Variants in RGPD2 observed in about 807,000 individuals in gnomAD.
RGPD2 encodes the protein RANBP2-like and GRIP domain-containing protein 2.
In RGPD2, 2 loss-of-function variants were observed where a neutral mutation model predicts 36.0. The observed-to-expected ratio is 0.06, with a 90% CI of 0.02 to 0.17. The LOEUF (loss-of-function observed/expected upper bound fraction) is 0.17, where lower values mean the gene tolerates loss of function less well. RGPD2 is among the 10% of genes least tolerant of loss of function. The pLI, the probability that RGPD2 is intolerant of heterozygous loss-of-function variation, is 1.00. For synonymous variants in RGPD2, 19 were observed against 163.8 expected (o/e 0.12, Z 6.75); for missense variants, 40 against 464.3 (o/e 0.09, Z 8.40).
the RGPD2 span, among the ~76,000 whole-genome samples, chr2:87,843,957 C>G: frequency 4.6e-5 from 7 of 151,988 alleles, no homozygotes; most frequent in Non-Finnish European, 8.8e-5. Context: ...TAAACTGTTG[C>G]AAGAACAAAA....
the RGPD2 span, among the ~76,000 whole-genome samples, chr2:87,975,595 ATC>A: frequency 3.3e-5 from 5 of 149,608 alleles, no homozygotes; most frequent in Non-Finnish European, 6.0e-5. Flanking sequence ...CCCAAATTTA[ATC>A]TGTTTCCCCA....
the RGPD2 span, among the ~76,000 whole-genome samples, chr2:87,831,262 A>G: frequency 6.6e-6 from 1 of 152,196 alleles, no homozygotes; most frequent in South Asian, 2.1e-4. Context: ...AATAGTCAAT[A>G]TGAAGCACAG....
chr2:87,853,809 T>G, the RGPD2 span, among the ~76,000 whole-genome samples: 1 of 152,156 alleles, frequency 6.6e-6, no homozygotes, highest in Non-Finnish European at 1.5e-5. Context: ...TTTGTACAAT[T>G]TTTTTCAAAT....
At chr2:87,777,308 ACTAG>A (rs1308771839) in intron 20 of RGPD2, among the ~76,000 whole-genome samples, 1 of 18,126 alleles carries the variant, frequency 5.5e-5, no homozygotes, top group African/African-American at 1.7e-4. Context: ...ATTAATTGCT[ACTAG>A]CTAAGATAAA....
upstream of RGPD2, among the ~76,000 whole-genome samples, chr2:87,830,576 A>C (rs573912331): frequency 1.9e-4 from 29 of 152,168 alleles, no homozygotes; most frequent in Non-Finnish European, 3.5e-4. Context: ...CACTCTACTG[A>C]TACCAATTGA....
the RGPD2 span, among the ~76,000 whole-genome samples, chr2:87,920,428 G>A: frequency 6.6e-5 from 10 of 150,652 alleles, no homozygotes; most frequent in Non-Finnish European, 1.3e-4. Context: ...TTTGAATGTA[G>A]TAATGTAGAA....
the RGPD2 span, among the ~76,000 whole-genome samples, chr2:87,935,618 G>A: frequency 1.1e-4 from 17 of 151,350 alleles, no homozygotes; most frequent in Admixed American, 1.3e-4. Flanking sequence ...CGATATTTTT[G>A]TGGAGACTGG....
At chr2:87,844,268 T>C in the RGPD2 span, among the ~76,000 whole-genome samples, 2 of 144,456 alleles carry the variant, frequency 1.4e-5, no homozygotes, top group Non-Finnish European at 3.0e-5. Flanking sequence ...GTTTTTGCTT[T>C]AAATTATTCA....
the RGPD2 span, among the ~76,000 whole-genome samples, chr2:87,844,544 A>G: frequency 6.7e-6 from 1 of 148,524 alleles, no homozygotes; most frequent in South Asian, 2.1e-4. Flanking sequence ...TACTTTTTAA[A>G]ATAATTTCAC....
chr2:87,868,813 C>A, the RGPD2 span, among the ~76,000 whole-genome samples: 216 of 152,110 alleles, frequency 1.4e-3, 1 homozygote, highest in East Asian at 0.018. Context: ...AGAGTCTTTA[C>A]CTTATCATCC....
chr2:87,951,431 A>G, the RGPD2 span, among the ~76,000 whole-genome samples: 1 of 152,110 alleles, frequency 6.6e-6, no homozygotes, highest in Non-Finnish European at 1.5e-5. Context: ...GAGAGAGGAA[A>G]TTACTGGAAA....
the RGPD2 span, among the ~76,000 whole-genome samples, chr2:87,863,960 G>A: frequency 2.0e-4 from 31 of 151,858 alleles, no homozygotes; most frequent in African/African-American, 7.3e-4. Flanking sequence ...ATGTCAGGAG[G>A]AATTATGACC....
the RGPD2 span, among the ~76,000 whole-genome samples, chr2:87,978,839 G>A: frequency 1.4e-5 from 2 of 143,934 alleles, no homozygotes; most frequent in African/African-American, 5.1e-5. Flanking sequence ...GATGGCTTGA[G>A]CCTATGAGTT....
chr2:87,888,191 G>A, the RGPD2 span, among the ~76,000 whole-genome samples: 3 of 151,756 alleles, frequency 2.0e-5, no homozygotes. Context: ...ACACATGAAT[G>A]TTTTTCTAAA....
chr2:87,883,518 T>C, the RGPD2 span, among the ~76,000 whole-genome samples: 1 of 151,728 alleles, frequency 6.6e-6, no homozygotes, highest in Non-Finnish European at 1.5e-5. Context: ...AAGGGCTTAG[T>C]GTAGCTGAAG....
chr2:87,825,930 C>A (rs1444132862), upstream of RGPD2: 1 of 609,332 alleles, frequency 1.6e-6, no homozygotes, highest in African/African-American at 2.0e-5. Context: ...CTTGGCAGCA[C>A]CCTGTGCTCT....
At chr2:87,892,840 A>AT in the RGPD2 span, among the ~76,000 whole-genome samples, 1 of 145,376 alleles carries the variant, frequency 6.9e-6, no homozygotes, top group Non-Finnish European at 1.5e-5. Context: ...TGACTATACT[A>AT]TAAAAAGTCA....
upstream of RGPD2, chr2:87,825,902 G>A: frequency 1.2e-6 from 1 of 818,896 alleles, no homozygotes; most frequent in Non-Finnish European, 1.8e-6. Flanking sequence ...CGGCGCTCGA[G>A]CTGCACTCGG....
chr2:87,849,169 T>C, the RGPD2 span, among the ~76,000 whole-genome samples: 1 of 151,012 alleles, frequency 6.6e-6, no homozygotes, highest in Non-Finnish European at 1.5e-5. Context: ...AAGGTAATCA[T>C]GAAGCATAAG....
Sources: gnomAD v4.1 joint callset for allele counts (sites outside exome capture counted in the v4.1 genomes callset) on GRCh38, gnomAD v4.1.1 for gene constraint, MANE v1.5 for transcripts, NCBI Gene and HGNC (gene_info 2026-07-23, HGNC 2026-07-21) for gene names.